The following DOCK3 variants were observed in gnomAD, a reference collection of about 807,000 sequenced individuals.
DOCK3 encodes the protein dedicator of cytokinesis protein 3.
Under a neutral mutation model 265.6 loss-of-function variants are expected in DOCK3, and 60 were observed. The ratio of observed to expected loss-of-function variants is 0.23; its 90% confidence interval spans 0.18 to 0.28. The LOEUF (loss-of-function observed/expected upper bound fraction) is 0.28. Ranked by LOEUF, DOCK3 falls within the 10% of genes least tolerant of loss-of-function variation. The pLI is 1.00. For missense variants in DOCK3, 1,981 were observed against 2,594.3 expected (o/e 0.76, Z 5.14); for synonymous variants, 881 against 938.0 (o/e 0.94, Z 1.11).
intron 10 of DOCK3, among the ~76,000 whole-genome samples, chr3:51,150,592 T>TA (rs1333019180): frequency 5.2e-4 from 79 of 152,182 alleles, no homozygotes; most frequent in African/African-American, 1.8e-3. Flanking sequence ...ATTTAGTTAT[T>TA]AACCCAGTAG....
intron 5 of DOCK3, among the ~76,000 whole-genome samples, chr3:51,022,686 T>G (rs907404447): frequency 2.0e-5 from 3 of 152,160 alleles, no homozygotes; most frequent in African/African-American, 7.2e-5. Flanking sequence ...CTCTGTTGAT[T>G]GTTTCTTTTG....
At chr3:51,315,482 C>T (rs1276166967) in intron 32 of DOCK3, among the ~76,000 whole-genome samples, 1 of 152,150 alleles carries the variant, frequency 6.6e-6, no homozygotes, top group East Asian at 1.9e-4. Flanking sequence ...ATTTCTAGGG[C>T]TGCAGCCCAG....
intron 10 of DOCK3, among the ~76,000 whole-genome samples, chr3:51,152,951 G>C (rs2085678044): frequency 6.6e-6 from 1 of 152,238 alleles, no homozygotes; most frequent in South Asian, 2.1e-4. Context: ...GGCTACACGA[G>C]GGTCAGGGAC....
chr3:50,688,247 T>G (rs1169489639), intron 1 of DOCK3, among the ~76,000 whole-genome samples: 1 of 152,212 alleles, frequency 6.6e-6, no homozygotes, highest in Non-Finnish European at 1.5e-5. Flanking sequence ...CAATAATTGC[T>G]TCTGTTCTTA....
chr3:50,916,558 C>T (rs1402695937), intron 4 of DOCK3, among the ~76,000 whole-genome samples: 1 of 152,066 alleles, frequency 6.6e-6, no homozygotes, highest in East Asian at 1.9e-4. Flanking sequence ...TGGCTCACAC[C>T]TGTAATCGCA....
intron 2 of DOCK3, among the ~76,000 whole-genome samples, chr3:50,835,619 G>T (rs2045460975): frequency 6.6e-6 from 1 of 152,114 alleles, no homozygotes; most frequent in Non-Finnish European, 1.5e-5. Flanking sequence ...GTACTTGTAA[G>T]ATTTTTTATT....
At chr3:51,247,949 A>G (rs1450827888) in intron 22 of DOCK3, among the ~76,000 whole-genome samples, 1 of 152,204 alleles carries the variant, frequency 6.6e-6, no homozygotes, top group Admixed American at 6.5e-5. Context: ...TAAATGCAAA[A>G]GATTCTATAT....
At chr3:50,862,842 C>G (rs1472523663) in intron 3 of DOCK3, among the ~76,000 whole-genome samples, 1 of 152,106 alleles carries the variant, frequency 6.6e-6, no homozygotes, top group East Asian at 1.9e-4. Flanking sequence ...CCAAGTGGCA[C>G]GGACTCACAT....
At chr3:50,711,462 C>T (rs954640099) in intron 1 of DOCK3, among the ~76,000 whole-genome samples, 1 of 152,034 alleles carries the variant, frequency 6.6e-6, no homozygotes, top group Non-Finnish European at 1.5e-5. Context: ...CAGGGTTTCA[C>T]CATGTTAGCC....
intron 5 of DOCK3, among the ~76,000 whole-genome samples, chr3:51,060,969 C>T (rs1317084143): frequency 1.3e-5 from 2 of 152,154 alleles, no homozygotes; most frequent in African/African-American, 2.4e-5. Flanking sequence ...AAATGCTCTT[C>T]ATCACTGGCC....
intron 30 of DOCK3, 37 bp downstream of exon 30, chr3:51,312,613 TGGCCA>T (rs778894463): frequency 2.1e-5 from 32 of 1,530,584 alleles, no homozygotes; most frequent in Non-Finnish European, 2.7e-5. Flanking sequence ...CCTTACCACT[TGGCCA>T]AATAGGGCTA....
chr3:50,757,413 C>T (rs1440065678), intron 1 of DOCK3, among the ~76,000 whole-genome samples: 1 of 151,986 alleles, frequency 6.6e-6, no homozygotes, highest in Non-Finnish European at 1.5e-5. Context: ...CTCAAGTGAT[C>T]CACCTGCCTG....
chr3:51,060,508 T>C (rs1263625867), intron 5 of DOCK3, among the ~76,000 whole-genome samples: 2 of 152,220 alleles, frequency 1.3e-5, no homozygotes, highest in African/African-American at 4.8e-5. Flanking sequence ...GGCTTTCTTC[T>C]AGGGTTTTTA....
intron 5 of DOCK3, among the ~76,000 whole-genome samples, chr3:51,018,594 A>T (rs1332454704): frequency 6.6e-6 from 1 of 151,746 alleles, no homozygotes; most frequent in Non-Finnish European, 1.5e-5. Flanking sequence ...ATATAATAAG[A>T]TGTCTTGGAG....
At chr3:50,803,742 G>A (rs2043208718) in intron 2 of DOCK3, among the ~76,000 whole-genome samples, 1 of 151,362 alleles carries the variant, frequency 6.6e-6, no homozygotes, top group South Asian at 2.1e-4. Flanking sequence ...TGGCCGGGCG[G>A]GGGCTGCCCC....
chr3:51,090,768 GA>G (rs1179213863), intron 9 of DOCK3, among the ~76,000 whole-genome samples: 1 of 152,188 alleles, frequency 6.6e-6, no homozygotes, highest in Non-Finnish European at 1.5e-5. Flanking sequence ...GCTGCATGTG[GA>G]AGAGAGGGTT....
intron 1 of DOCK3, among the ~76,000 whole-genome samples, chr3:50,686,547 CTT>C (rs780692455): frequency 7.7e-4 from 117 of 152,316 alleles, no homozygotes; most frequent in African/African-American, 1.9e-3. Context: ...TGCTCAGACT[CTT>C]TTGAAAGCTG....
intron 4 of DOCK3, among the ~76,000 whole-genome samples, chr3:50,921,852 C>T (rs966118404): frequency 2.6e-5 from 4 of 152,162 alleles, no homozygotes; most frequent in Non-Finnish European, 4.4e-5. Context: ...GTATCACCAG[C>T]GGAGGCTGCA....
intron 4 of DOCK3, among the ~76,000 whole-genome samples, chr3:50,890,332 T>TA (rs1392969988): frequency 6.6e-6 from 1 of 152,110 alleles, no homozygotes; most frequent in Non-Finnish European, 1.5e-5. Flanking sequence ...CAGTATGTTT[T>TA]AAAAAATTAT....
Sources: allele counts gnomAD v4.1 joint callset (sites outside exome capture counted in the v4.1 genomes callset), GRCh38; gene constraint gnomAD v4.1.1; transcripts MANE v1.5; gene names NCBI Gene and HGNC (gene_info 2026-07-23, HGNC 2026-07-21).